GAS6: variants seen among roughly 807,000 people sequenced by gnomAD.
GAS6 encodes the protein growth arrest-specific protein 6.
A neutral mutation model predicts 75.8 loss-of-function variants in GAS6; 41 were observed. The observed-to-expected ratio is 0.54, with a 90% CI of 0.42 to 0.70. The LOEUF is 0.70. Among genes scored for constraint, GAS6 ranks in the 30% least tolerant of loss-of-function variants. The pLI, the probability that GAS6 is intolerant of heterozygous loss-of-function variation, is 0.00. For missense variants in GAS6, 854 were observed against 940.2 expected, an observed-to-expected ratio of 0.91 and a Z score of 1.20; for synonymous variants, 432 against 412.6, an observed-to-expected ratio of 1.05 and a Z score of -0.57.
rs188781208 is a variant in GAS6, at chr13:113,842,942, G to T, written c.344-3092C>A. ...GTGCCCAGCTCTTAAGCGGTCCCCA[G>T]ACTCATGCCACCTGCCCCGGGGCCT... is the stretch of plus-strand genomic sequence containing the variant. On this transcript the variant is annotated intron_variant, in intron 4 of 14. Transcript: ENST00000327773. 2.2e-3 allele frequency: 889 copies of T among 396,666 alleles called. 12 individuals are homozygous for T. The highest frequency in any genetic ancestry group is 0.015 in the South Asian group (111 of 7,566). The allele number at this position is 396,666 out of a possible 1,614,324, so 24.6% of individuals were successfully genotyped here.
intron 12 of GAS6, among the ~76,000 whole-genome samples, chr13:113,825,971 G>A (rs368004702): frequency 4.6e-5 from 7 of 152,314 alleles, no homozygotes; most frequent in South Asian, 4.1e-4. Flanking sequence ...CCCTCTGTGC[G>A]TGTGGGGGCT....
At chr13:113,855,073 T>A (rs2051903711) in intron 2 of GAS6, among the ~76,000 whole-genome samples, 1 of 152,212 alleles carries the variant, frequency 6.6e-6, no homozygotes, top group East Asian at 1.9e-4. Context: ...CAAGACAGTG[T>A]ACTTTGTGAT....
At position 113,832,667 on chromosome 13, in the gene GAS6, A is replaced by C. The variant is rs759006256; in HGVS notation, c.920T>G (p.Ile307Ser). ...CTGCAGCCTCTTGAAGCGCAGTCGGATCACGGGGGTCCCACTGAACATCCG... is the reference window on the plus strand; with the variant it reads ...CTGCAGCCTCTTGAAGCGCAGTCGGCTCACGGGGGTCCCACTGAACATCCG... ...LGRMFSGTPV[I>S]RLRFKRLQPT... Residue 307 changes from isoleucine to serine, a missense_variant, in exon 9 of 15, where the codon ATC (isoleucine) becomes AGC (serine). Physicochemically the swap from Ile to Ser is moderately radical, Grantham distance 142 (BLOSUM62 -2). Transcript: ENST00000327773. The C allele has an allele frequency of 1.9e-6, 3 of 1,612,780 alleles. No individual in the cohort carries two copies. The South Asian group carries it at 3.3e-5, about 18-fold the overall frequency.
intron 12 of GAS6, among the ~76,000 whole-genome samples, chr13:113,825,327 C>T (rs909935005): frequency 6.6e-6 from 1 of 151,834 alleles, no homozygotes; most frequent in African/African-American, 2.4e-5. Context: ...GGCCTCTGCT[C>T]TCCCCGGGAA....
Position 113,833,600 on chromosome 13 carries a change from TGACAGGCACC to T in GAS6, c.835-858_835-849del, listed in dbSNP as rs2051657077. 1.7e-5 allele frequency: 17 copies of T among 1,003,668 alleles called. No homozygotes were observed. In the South Asian group the frequency reaches 6.0e-4, roughly 35 times the overall value. The allele number at this position is 1,003,668 out of a possible 1,614,324, so 62.2% of individuals were successfully genotyped here. A position where few individuals can be genotyped will look rare whatever the true frequency, so the allele number is the denominator to read the frequency against. On this transcript the variant is annotated intron_variant, in intron 8 of 14. Transcript: ENST00000327773. ...GACAGGTCAGTGTGACAGGTCGGTGTGACAGGCACCGGTGTGACAGGTCGGTGTGACAGGC... is the reference window on the plus strand; with the variant it reads ...GACAGGTCAGTGTGACAGGTCGGTGTGGTGTGACAGGTCGGTGTGACAGGC...
chr13:113,822,090 C>A lies in GAS6; in HGVS notation c.1750G>T (p.Gly584Cys), dbSNP rs568667737. Residue 584 changes from glycine to cysteine, a missense_variant, in exon 14 of 15, where the codon GGT becomes TGT. Gly to Cys is a radical substitution (Grantham distance 159). Coordinates refer to ENST00000327773, the MANE Select transcript of GAS6 (RefSeq NM_000820.4). ...CCGTCCACCTCCAGGGTGGCCTCAC[C>A]GTCCCTCAGCGAGACGGTGACCACG... ...EHVVTVSLRD[G>C]EATLEVDGTR... 1.8e-5 allele frequency: 28 copies of A among 1,597,256 alleles called. No individual in the cohort carries two copies. In the Admixed American group the frequency reaches 4.9e-4, roughly 28 times the overall value.
intron 4 of GAS6, chr13:113,842,423 AG>A (rs1316639284): frequency 5.1e-6 from 2 of 394,876 alleles, no homozygotes; most frequent in Non-Finnish European, 8.9e-6. Flanking sequence ...GACCAGGACC[AG>A]GGATTCTGCA....
chr13:113,851,405 G>C (rs2051874221), intron 2 of GAS6, among the ~76,000 whole-genome samples: 1 of 151,776 alleles, frequency 6.6e-6, no homozygotes, highest in East Asian at 1.9e-4. Context: ...GTACATGAAT[G>C]GATGAGTGGG....
intron 2 of GAS6, among the ~76,000 whole-genome samples, chr13:113,855,164 T>C (rs9604488): frequency 0.29 from 44,580 of 151,900 alleles, 7,188 homozygotes; most frequent in South Asian, 0.51. Flanking sequence ...TCGGTCCCCA[T>C]CTCCGGTGAG....
In GAS6 at chr13:113,837,514, A is replaced by T. The variant is rs2138641875; in HGVS notation, c.589+555T>A. On this transcript the variant is annotated intron_variant, in intron 6 of 14. Coordinates refer to ENST00000327773, the MANE Select transcript of GAS6 (RefSeq NM_000820.4). The surrounding 1 kb of genome is among the most constrained non-coding windows in gnomAD (Gnocchi z 5.1). ...GCAAAGGGCCAGTGGCAGCAGCAGC[A>T]CCTGGAACAGCGTCGGGGGCGCGCA... Among the ~76,000 whole-genome samples, 1 of 152,288 alleles carries T rather than the reference A, an allele frequency of 6.6e-6. No homozygotes were observed. The highest frequency in any genetic ancestry group is 1.9e-4 in the East Asian group (1 of 5,182).
intron 2 of GAS6, among the ~76,000 whole-genome samples, chr13:113,861,071 G>T (rs2051967294): frequency 6.6e-6 from 1 of 151,924 alleles, no homozygotes; most frequent in African/African-American, 2.4e-5. Context: ...GGGCTGCACA[G>T]CGGGTGCTTC....
intron 4 of GAS6, chr13:113,840,064 CTCAGAT>C: frequency 1.7e-6 from 1 of 599,436 alleles, no homozygotes; most frequent in East Asian, 3.2e-5. Flanking sequence ...TCCAGGAAAA[CTCAGAT>C]CAACTGGGAG....
chr13:113,838,251 G>A, intron 5 of GAS6, 60 bp from the exon 6 acceptor site: 1 of 1,601,126 alleles, frequency 6.2e-7, no homozygotes, highest in South Asian at 1.1e-5. Context: ...GGCTACGGTA[G>A]GAAGAGATCC....
At chr13:113,834,802 C>A in intron 7 of GAS6, 130 bp from the exon 8 acceptor site, 1 of 1,077,074 alleles carries the variant, frequency 9.3e-7, no homozygotes, top group Non-Finnish European at 1.2e-6. Flanking sequence ...CTAACGGGGG[C>A]GGCTTGGGGG....
rs990042897 is a variant in GAS6, at chr13:113,837,535, G to A, written c.589+534C>T. On this transcript the variant is annotated intron_variant, in intron 6 of 14. Transcript: ENST00000327773. This position sits in a 1 kb window ranked among gnomAD's most constrained non-coding sequence, Gnocchi z 5.1. ...CAGCACCTGGAACAGCGTCGGGGGC[G>A]CGCACATTCACAGTGACTTTCTGGG... Among the ~76,000 whole-genome samples, 1 of 152,152 alleles carries A rather than the reference G, an allele frequency of 6.6e-6. No individual in the cohort carries two copies. Among genetic ancestry groups the A allele is most frequent in the Non-Finnish European group, 1.5e-5 (1 of 68,012 alleles).
rs576729111 is a variant in GAS6, at chr13:113,826,644, G to C, written c.1477+352C>G. ...GGCCTCGCAGGCACCTTCTCTCCCCGGCCTCCTGGCGCCGGCCTCGCAGGC... is the reference window on the plus strand; with the variant it reads ...GGCCTCGCAGGCACCTTCTCTCCCCCGCCTCCTGGCGCCGGCCTCGCAGGC... On this transcript the variant is annotated intron_variant, in intron 12 of 14. Coordinates refer to ENST00000327773, the MANE Select transcript of GAS6 (RefSeq NM_000820.4). 3.0e-3 allele frequency among the ~76,000 whole-genome samples: 156 copies of C among 52,222 alleles called. 25 individuals are homozygous for C. The highest frequency in any genetic ancestry group is 4.1e-3 in the Non-Finnish European group (124 of 30,518). 34.3% of individuals were successfully genotyped at this position (52,222 alleles called of 152,430 possible).
In GAS6 at chr13:113,838,205, C is replaced by T; in HGVS notation, c.467-14G>A. Reference sequence around the variant, plus strand: ...ATTCGTTGACATCTGGGAACAAGCACAGGCCTGAAGGGGAGCCCAAGGGTG... The same window carrying T: ...ATTCGTTGACATCTGGGAACAAGCATAGGCCTGAAGGGGAGCCCAAGGGTG... On this transcript the variant is annotated splice_polypyrimidine_tract_variant and intron_variant, in intron 5 of 14. Transcript: ENST00000327773. The T allele has an allele frequency of 1.2e-6, 2 of 1,611,886 alleles. No homozygotes were observed. Among genetic ancestry groups the T allele is most frequent in the Non-Finnish European group, 1.7e-6 (2 of 1,179,746 alleles).
chr13:113,864,026 C>T lies in GAS6; in HGVS notation c.-106G>A, dbSNP rs2051996252. On this transcript the variant is annotated 5_prime_UTR_variant, in exon 1 of 15. The change creates a new upstream start codon in the 5' untranslated region. Coordinates refer to ENST00000327773, the MANE Select transcript of GAS6 (RefSeq NM_000820.4). ...CCCGTCCTGGCGGCCCTGAAGGTCA[C>T]ATCGCGGCGGCGGCGGCGGCGGCGG... The T allele has an allele frequency of 5.9e-6, 6 of 1,009,160 alleles. 1 individual carries two copies. In the South Asian group the frequency reaches 2.7e-4, roughly 45 times the overall value. 62.5% of individuals were successfully genotyped at this position (1,009,160 alleles called of 1,614,324 possible).
chr13:113,838,037 G>C, intron 6 of GAS6, 32 bp downstream of exon 6: 2 of 1,609,420 alleles, frequency 1.2e-6, no homozygotes, highest in Non-Finnish European at 1.7e-6. Flanking sequence ...GGGGAGAGGA[G>C]AGAGGAGAGA....
Sources: allele counts gnomAD v4.1 joint callset (sites outside exome capture counted in the v4.1 genomes callset), GRCh38; gene constraint gnomAD v4.1.1; non-coding constraint Gnocchi (gnomAD v3.1); transcripts MANE v1.5; gene names NCBI Gene and HGNC (gene_info 2026-07-23, HGNC 2026-07-21).